ABCA3: variants seen among roughly 807,000 people sequenced by gnomAD.
ABCA3 encodes phospholipid-transporting ATPase ABCA3.
ABCA3 carries 88 observed loss-of-function variants against 172.8 expected under a neutral mutation model. That is an observed-to-expected ratio of 0.51 (90% confidence interval 0.43 to 0.61). The LOEUF (loss-of-function observed/expected upper bound fraction) is 0.61. Ranked by LOEUF, ABCA3 falls within the 20% of genes least tolerant of loss-of-function variation. The pLI, the probability that ABCA3 is intolerant of heterozygous loss-of-function variation, is 0.00. For synonymous variants in ABCA3, 1,066 were observed against 983.8 expected (o/e 1.08, Z -1.56); for missense variants, 2,164 against 2,301.0 (o/e 0.94, Z 1.22).
chr16:2,316,331 G>A (rs9923852), intron 10 of ABCA3, among the ~76,000 whole-genome samples: 452 of 95,716 alleles, frequency 4.7e-3, no homozygotes, highest in Middle Eastern at 0.019. Context: ...AAAGAAAAAA[G>A]AAAAGAAAAA....
chr16:2,318,594 C>G (rs980552883), intron 8 of ABCA3, among the ~76,000 whole-genome samples: 1 of 151,570 alleles, frequency 6.6e-6, no homozygotes, highest in Non-Finnish European at 1.5e-5. Flanking sequence ...CTCACTGCAA[C>G]CTCCACCTCC....
Position 2,283,586 on chromosome 16 carries a change from A to ACCCCC in ABCA3, c.3863-229_3863-228insGGGGG. 1 of 545,644 alleles carries ACCCCC rather than the reference A, an allele frequency of 1.8e-6. No homozygotes were observed. Among genetic ancestry groups the ACCCCC allele is most frequent in the Non-Finnish European group, 3.3e-6 (1 of 304,660 alleles). The allele number at this position is 545,644 out of a possible 1,614,324, so 33.8% of individuals were successfully genotyped here. On this transcript the variant is annotated intron_variant, in intron 25 of 32. Coordinates refer to ENST00000301732, the MANE Select transcript of ABCA3 (RefSeq NM_001089.3). The surrounding 1 kb of genome is among the most constrained non-coding windows in gnomAD (Gnocchi z 5.4). ...TGCAGTCCCATGAGCGACATGGCAG[A>ACCCCC]CCCAGGGCAGCAACAGCCCGCCTGA...
Position 2,287,994 on chromosome 16 carries a change from T to C in ABCA3, c.3004+32A>G. ...CTCTGGCTGCAGGACTGGCCCCCGATGCCCCCGTCCCGCCCCCGGGATGCC... is the reference window on the plus strand; with the variant it reads ...CTCTGGCTGCAGGACTGGCCCCCGACGCCCCCGTCCCGCCCCCGGGATGCC... On this transcript the variant is annotated intron_variant, in intron 21 of 32. Transcript: ENST00000301732. This position sits in a 1 kb window ranked among gnomAD's most constrained non-coding sequence, Gnocchi z 4.1. The C allele has an allele frequency of 1.3e-6, 2 of 1,596,578 alleles. No homozygotes were observed. Among genetic ancestry groups the C allele is most frequent in the South Asian group, 1.1e-5 (1 of 90,926 alleles).
Position 2,285,069 on chromosome 16 carries a change from G to C in ABCA3, c.3484-71C>G. The C allele has an allele frequency of 1.3e-6, 2 of 1,527,196 alleles. No homozygotes were observed. The highest frequency in any genetic ancestry group is 2.3e-5 in the South Asian group (2 of 85,502). The allele number at this position is 1,527,196 out of a possible 1,614,324, so 94.6% of individuals were successfully genotyped here. A position where few individuals can be genotyped will look rare whatever the true frequency, so the allele number is the denominator to read the frequency against. The stretch of plus-strand genomic sequence containing the variant: ...GAGCTCACGGGTAGGGAAGGGGTGA[G>C]AGGAGCATTTGGAGGTCCTCAGACC... On this transcript the variant is annotated intron_variant, in intron 23 of 32. Coordinates refer to ENST00000301732, the MANE Select transcript of ABCA3 (RefSeq NM_001089.3). The surrounding 1 kb of genome is among the most constrained non-coding windows in gnomAD (Gnocchi z 4.7).
rs1315020772 is a variant in ABCA3 at position 2,317,772 on chromosome 16, G to C, written c.874-8C>G. On this transcript the variant is annotated splice_region_variant and splice_polypyrimidine_tract_variant and intron_variant, in intron 8 of 32. Transcript: ENST00000301732. ...CATCATGCGCATGTACTCCTGGGGA[G>C]AGAAGCCATCACGCTGCTGGGGGCC... is the stretch of plus-strand genomic sequence containing the variant. 3 of 1,613,568 alleles carry C rather than the reference G, an allele frequency of 1.9e-6. No homozygotes were observed. Among genetic ancestry groups the C allele is most frequent in the Non-Finnish European group, 2.5e-6 (3 of 1,179,556 alleles).
intron 10 of ABCA3, among the ~76,000 whole-genome samples, chr16:2,316,522 A>AAAAAAAAAAAAAT (rs1371863647): frequency 7.7e-6 from 1 of 129,238 alleles, no homozygotes; most frequent in Non-Finnish European, 1.6e-5. Flanking sequence ...AAAAAAAAAA[A>AAAAAAAAAAAAAT]AAAAAATTAG....
chr16:2,278,788 G>A lies in ABCA3; in HGVS notation c.4547+155C>T, dbSNP rs2093650711. ...TGTCAGGGCAGTCCCTTTCCTACGT[G>A]GAGCTACCTGGGTCACACCACCACA... On this transcript the variant is annotated intron_variant, in intron 29 of 32. Transcript: ENST00000301732. This position sits in a 1 kb window ranked among gnomAD's most constrained non-coding sequence, Gnocchi z 4.4. Among the ~76,000 whole-genome samples the A allele has an allele frequency of 6.6e-6, 1 of 152,142 alleles. No homozygotes were observed. The highest frequency in any genetic ancestry group is 2.1e-4 in the South Asian group (1 of 4,828).
intron 11 of ABCA3, among the ~76,000 whole-genome samples, chr16:2,304,441 G>A (rs1206086199): frequency 2.0e-5 from 3 of 150,882 alleles, no homozygotes; most frequent in African/African-American, 7.3e-5. Context: ...ACGTACATAT[G>A]CACCCACATC....
At chr16:2,301,064 A>AC (rs1167624147) in intron 12 of ABCA3, among the ~76,000 whole-genome samples, 1 of 151,356 alleles carries the variant, frequency 6.6e-6, no homozygotes, top group Non-Finnish European at 1.5e-5. Context: ...CCCCGTCTCT[A>AC]CTAAAAATAC....
chr16:2,325,870 T>C (rs377443992), intron 5 of ABCA3, 140 bp downstream of exon 5: 3 of 1,154,676 alleles, frequency 2.6e-6, no homozygotes, highest in Non-Finnish European at 3.8e-6. Context: ...GAAGTAGTGA[T>C]GCGGGAAGAA....
At chr16:2,334,511 A>G (rs1253285194) in intron 1 of ABCA3, among the ~76,000 whole-genome samples, 1 of 148,368 alleles carries the variant, frequency 6.7e-6, no homozygotes, top group Non-Finnish European at 1.5e-5. Context: ...CCCAAACACC[A>G]GTAATTTTTT....
intron 5 of ABCA3, among the ~76,000 whole-genome samples, chr16:2,325,119 G>GAGCAGCACTC (rs1242093246): frequency 6.6e-6 from 1 of 152,156 alleles, no homozygotes; most frequent in Non-Finnish European, 1.5e-5. Flanking sequence ...TAGGAACGGT[G>GAGCAGCACTC]AGCAGCACTC....
intron 18 of ABCA3, among the ~76,000 whole-genome samples, chr16:2,292,940 G>A (rs1195109470): frequency 6.6e-6 from 1 of 152,134 alleles, no homozygotes; most frequent in Non-Finnish European, 1.5e-5. Flanking sequence ...GGGCAACAGA[G>A]CAAGACTCCG....
At position 2,319,573 on chromosome 16, in the gene ABCA3, G is replaced by A. The variant is rs1596861773; in HGVS notation, c.873+8C>T. 3 of 1,609,840 alleles carry A rather than the reference G, an allele frequency of 1.9e-6. No homozygotes were observed. The highest frequency in any genetic ancestry group is 1.7e-6 in the Non-Finnish European group (2 of 1,179,878). ...CTAGAGTGTTGGGGAGCCAAAGCGG[G>A]CAGTCACCTTCAGCCTCCTTTCCTT... On this transcript the variant is annotated splice_region_variant and intron_variant, in intron 8 of 32. Coordinates refer to ENST00000301732, the MANE Select transcript of ABCA3 (RefSeq NM_001089.3).
intron 11 of ABCA3, among the ~76,000 whole-genome samples, chr16:2,307,398 C>CA (rs1319036804): frequency 6.6e-6 from 1 of 151,644 alleles, no homozygotes; most frequent in African/African-American, 2.4e-5. Flanking sequence ...ACTAAAAATA[C>CA]AAAAAAATTA....
chr16:2,337,548 A>ATTTT (rs544223399), intron 1 of ABCA3, among the ~76,000 whole-genome samples: 1 of 125,208 alleles, frequency 8.0e-6, no homozygotes, highest in African/African-American at 2.8e-5. Flanking sequence ...TAATTGTTTG[A>ATTTT]TTTTTTTTTT....
rs567975567 is a variant in ABCA3, at chr16:2,279,309, G to C, written c.4360-179C>G. Among the ~76,000 whole-genome samples, 51 of 152,354 alleles carry C rather than the reference G, an allele frequency of 3.3e-4. No individual in the cohort carries two copies. The highest frequency in any genetic ancestry group is 6.0e-4 in the Non-Finnish European group (41 of 68,030). On this transcript the variant is annotated intron_variant, in intron 28 of 32. Transcript: ENST00000301732. The surrounding 1 kb of genome is among the most constrained non-coding windows in gnomAD (Gnocchi z 4.4). ...GCCGTGGTGGCTGCCCACAGTGGAA[G>C]CTCTTGGAACAGGGACACAGGAAGG... is the stretch of plus-strand genomic sequence containing the variant.
chr16:2,319,912 G>A (rs2093723167), intron 7 of ABCA3, 72 bp from the exon 8 acceptor site: 2 of 1,591,132 alleles, frequency 1.3e-6, no homozygotes, highest in African/African-American at 1.3e-5. Context: ...CCACGTGCAT[G>A]GGGTCCATGG....
chr16:2,281,312 G>A lies in ABCA3; in HGVS notation c.4164+69C>T. The A allele has an allele frequency of 1.9e-6, 3 of 1,613,168 alleles. No individual in the cohort carries two copies. The highest frequency in any genetic ancestry group is 2.5e-6 in the Non-Finnish European group (3 of 1,179,800). On this transcript the variant is annotated intron_variant, in intron 27 of 32. Coordinates refer to ENST00000301732, the MANE Select transcript of ABCA3 (RefSeq NM_001089.3). The surrounding 1 kb of genome is among the most constrained non-coding windows in gnomAD (Gnocchi z 4.7). ...TCAGCGCCGAAAGCTTCCAGGGATG[G>A]GGTCGGACCCTGGGGACAGCCAGGT...
Sources: gnomAD v4.1 joint callset for allele counts (sites outside exome capture counted in the v4.1 genomes callset) on GRCh38, gnomAD v4.1.1 for gene constraint, Gnocchi (gnomAD v3.1) non-coding constraint, MANE v1.5 for transcripts, NCBI Gene and HGNC (gene_info 2026-07-23, HGNC 2026-07-21) for gene names.